PTCD3: variants seen among roughly 807,000 people sequenced by gnomAD.
PTCD3 encodes pentatricopeptide repeat domain 3.
PTCD3 carries 89 observed loss-of-function variants against 101.9 expected under a neutral mutation model. The ratio of observed to expected loss-of-function variants is 0.87; its 90% CI spans 0.74 to 1.04. The LOEUF (loss-of-function observed/expected upper bound fraction) is 1.04, where lower values mean the gene tolerates loss of function less well. Ranked by LOEUF, PTCD3 falls within the 50% of genes least tolerant of loss-of-function variation. The probability of loss-of-function intolerance (pLI) is 0.00; values close to 1 mark genes in which losing one functional copy is unlikely to be tolerated. For missense variants in PTCD3, 870 were observed against 828.2 expected (o/e 1.05, Z -0.62); for synonymous variants, 296 against 278.5 (o/e 1.06, Z -0.63).
intron 4 of PTCD3, among the ~76,000 whole-genome samples, chr2:86,114,250 G>T (rs920008852): frequency 1.3e-5 from 2 of 151,940 alleles, no homozygotes; most frequent in African/African-American, 4.8e-5. Context: ...AGAAGGGGTT[G>T]TATCGCCAAG....
At chr2:86,136,955 A>T in intron 22 of PTCD3, 27 bp from the exon 23 acceptor site, 1 of 1,612,144 alleles carries the variant, frequency 6.2e-7, no homozygotes, top group African/African-American at 1.3e-5. Context: ...GGCTGGAGAA[A>T]GTTCACACTT....
intron 9 of PTCD3, among the ~76,000 whole-genome samples, chr2:86,124,701 A>C (rs17026975): frequency 0.048 from 7,278 of 152,290 alleles, 611 homozygotes; most frequent in African/African-American, 0.17. Context: ...TTTGTCATAC[A>C]GTTGCTTCTT....
At chr2:86,106,421 T>C (rs1673948902) in intron 1 of PTCD3, 70 bp downstream of exon 1, 5 of 1,486,972 alleles carry the variant, frequency 3.4e-6, no homozygotes, top group Non-Finnish European at 4.6e-6. Flanking sequence ...CCCAGCTGGC[T>C]GTGGAAGTAG....
At position 86,111,175 on chromosome 2, in the gene PTCD3, G is replaced by A; in HGVS notation, c.240+17G>A. 1 of 1,594,604 alleles carries A rather than the reference G, an allele frequency of 6.3e-7. No homozygotes were observed. The highest frequency in any genetic ancestry group is 8.6e-7 in the Non-Finnish European group (1 of 1,165,630). ...GTAAACAGGGTAAGTAGGATTTTGT[G>A]TTTTTTTTTAACCTAAAACTTGGCT... On this transcript the variant is annotated intron_variant, in intron 4 of 23. Coordinates refer to ENST00000254630, the MANE Select transcript of PTCD3 (RefSeq NM_017952.6).
chr2:86,116,732 A>G (rs768851637), intron 5 of PTCD3, 134 bp downstream of exon 5: 6 of 705,160 alleles, frequency 8.5e-6, no homozygotes, highest in Non-Finnish European at 1.4e-5. Flanking sequence ...TGAATCCTTT[A>G]CTACTTTCTT....
intron 1 of PTCD3, 128 bp downstream of exon 1, chr2:86,106,479 C>T (rs577057555): frequency 6.8e-6 from 6 of 878,338 alleles, no homozygotes; most frequent in Middle Eastern, 3.0e-4. Context: ...GTCGCGTGCC[C>T]TTAAGACCAG....
intron 11 of PTCD3, 83 bp from the exon 12 acceptor site, chr2:86,125,712 A>G (rs1015261307): frequency 4.4e-6 from 5 of 1,123,976 alleles, no homozygotes; most frequent in Non-Finnish European, 6.6e-6. Context: ...CAAGGGACAC[A>G]TAGGAATGAC....
At position 86,117,035 on chromosome 2, in the gene PTCD3, A is replaced by T. The variant is rs747321323; in HGVS notation, c.310-20A>T. On this transcript the variant is annotated intron_variant, in intron 5 of 23. Transcript: ENST00000254630. ...GCTTGAGTTTAAATTACATGTATTT[A>T]AATCTTTTTCTTTATATAGCGTTCA... 4 of 947,806 alleles carry T rather than the reference A, an allele frequency of 4.2e-6. No individual in the cohort carries two copies. Among genetic ancestry groups the T allele is most frequent in the Middle Eastern group, 2.3e-4 (1 of 4,276 alleles). 58.7% of individuals were successfully genotyped at this position (947,806 alleles called of 1,614,324 possible).
chr2:86,139,803 G>GA lies in PTCD3; in HGVS notation c.*2255dup, dbSNP rs945787999. On this transcript the variant is annotated 3_prime_UTR_variant, in exon 24 of 24. Coordinates refer to ENST00000254630, the MANE Select transcript of PTCD3 (RefSeq NM_017952.6). ...TTGACAGAGTGACCCTTGTCTCCAA[G>GA]AAAAAAAAAAAGCAAATGGGATTAA... is the stretch of plus-strand genomic sequence containing the variant. The GA allele has an allele frequency of 4.2e-4, 60 of 141,890 alleles. No homozygotes were observed. The highest frequency in any genetic ancestry group is 2.4e-3 in the East Asian group (12 of 4,930). 8.8% of individuals were successfully genotyped at this position (141,890 alleles called of 1,614,324 possible).
chr2:86,116,636 T>A, intron 5 of PTCD3, 38 bp downstream of exon 5: 1 of 1,485,356 alleles, frequency 6.7e-7, no homozygotes, highest in Non-Finnish European at 9.4e-7. Context: ...GTTTTATCTC[T>A]CTGGTTTGCG....
At chr2:86,131,033 A>G (rs779913631) in intron 15 of PTCD3, 45 bp from the exon 16 acceptor site, 4 of 1,574,376 alleles carry the variant, frequency 2.5e-6, no homozygotes, top group Non-Finnish European at 8.6e-7. Context: ...TTGAAAATAT[A>G]TTTTATCCAT....
intron 6 of PTCD3, among the ~76,000 whole-genome samples, chr2:86,117,700 A>T (rs1674199863): frequency 6.6e-6 from 1 of 151,824 alleles, no homozygotes; most frequent in Non-Finnish European, 1.5e-5. Context: ...GGGCTCAAGC[A>T]AACACCCTTC....
Position 86,141,386 on chromosome 2 carries a change from G to A in PTCD3, c.*3827G>A, listed in dbSNP as rs115294321. On this transcript the variant is annotated 3_prime_UTR_variant, in exon 24 of 24. Transcript: ENST00000254630. ...AGCGAATCTGCCTGAAATTTAATAC[G>A]CCTTTTTATTTCCCTTCTGTGTTAA... 0.032 allele frequency: 4,830 copies of A among 152,264 alleles called. 97 individuals carry two copies. The highest frequency in any genetic ancestry group is 0.043 in the Non-Finnish European group (2,951 of 68,060). 9.4% of individuals were successfully genotyped at this position (152,264 alleles called of 1,614,324 possible). A position where few individuals can be genotyped will look rare whatever the true frequency, so the allele number is the denominator to read the frequency against.
chr2:86,121,315 C>T, intron 7 of PTCD3, 164 bp from the exon 8 acceptor site: 2 of 485,508 alleles, frequency 4.1e-6, no homozygotes, highest in South Asian at 3.8e-5. Flanking sequence ...GTCTACGTCA[C>T]TTCAGGTGTT....
chr2:86,134,309 C>A lies in PTCD3; in HGVS notation c.1561C>A (p.His521Asn). The change falls in exon 20 of 24, where the codon CAT becomes AAT. Residue 521 changes from histidine to asparagine, a missense_variant. Physicochemically the swap from His to Asn is moderately conservative, Grantham distance 68. Coordinates refer to ENST00000254630, the MANE Select transcript of PTCD3 (RefSeq NM_017952.6). ...KIWKDSKEYG[H>N]TFRSDLREEI... ...GTTTCAAGATAGTAAAGAATATGGTCATACTTTCCGCAGTGACCTGAGAGA... is the reference window on the plus strand; with the variant it reads ...GTTTCAAGATAGTAAAGAATATGGTAATACTTTCCGCAGTGACCTGAGAGA... 1 of 1,611,446 alleles carries A rather than the reference C, an allele frequency of 6.2e-7. No homozygotes were observed. The highest frequency in any genetic ancestry group is 1.1e-5 in the South Asian group (1 of 90,934).
At position 86,117,086 on chromosome 2, in the gene PTCD3, A is replaced by G; in HGVS notation, c.341A>G (p.Glu114Gly). ...RSFLLAKKSG[E>G]NVAKFIINSY... is the part of the protein sequence containing the mutation. ...TTTTTACTGGCAAAGAAATCCGGGGAGAATGTGGCCAAGTTTATTATTAAT... is the reference window on the plus strand; with the variant it reads ...TTTTTACTGGCAAAGAAATCCGGGGGGAATGTGGCCAAGTTTATTATTAAT... The change falls in exon 6 of 24, where the codon GAG becomes GGG. Residue 114 changes from glutamate (E) to glycine (G), a missense_variant. Glu to Gly is a moderately conservative substitution (Grantham distance 98, BLOSUM62 -2). Coordinates refer to ENST00000254630, the MANE Select transcript of PTCD3 (RefSeq NM_017952.6). 6.9e-7 allele frequency: 1 copy of G among 1,456,298 alleles called. No individual in the cohort carries two copies. Among genetic ancestry groups the G allele is most frequent in the Non-Finnish European group, 9.6e-7 (1 of 1,036,574 alleles). The allele number at this position is 1,456,298 out of a possible 1,614,324, so 90.2% of individuals were successfully genotyped here.
chr2:86,130,710 A>G lies in PTCD3; in HGVS notation c.1210A>G (p.Arg404Gly). The change falls in exon 15 of 24, where the codon AGA becomes GGA. Residue 404 changes from arginine to glycine, a missense_variant. Arg to Gly is a moderately radical substitution (Grantham distance 125). Coordinates refer to ENST00000254630, the MANE Select transcript of PTCD3 (RefSeq NM_017952.6). The part of the protein sequence containing the change: ...YDIMNELMGK[R>G]FSPKDPDDDK... ...TATAATGAATGAATTAATGGGAAAG[A>G]GATTTTCTCCAAAGGACCCGGATGA... The G allele has an allele frequency of 6.2e-7, 1 of 1,613,816 alleles. No individual in the cohort carries two copies. The highest frequency in any genetic ancestry group is 8.5e-7 in the Non-Finnish European group (1 of 1,179,896).
chr2:86,134,805 G>C, intron 20 of PTCD3, 34 bp from the exon 21 acceptor site: 1 of 1,611,500 alleles, frequency 6.2e-7, no homozygotes, highest in South Asian at 1.1e-5. Flanking sequence ...CATAAAATCA[G>C]TTAGGCAGTT....
chr2:86,114,020 TCAATGA>T (rs976388416), intron 4 of PTCD3, among the ~76,000 whole-genome samples: 1 of 149,082 alleles, frequency 6.7e-6, no homozygotes, highest in African/African-American at 2.6e-5. Context: ...TCTCAACATT[TCAATGA>T]GAATGGCCCA....
Sources: allele counts gnomAD v4.1 joint callset (sites outside exome capture counted in the v4.1 genomes callset), GRCh38; gene constraint gnomAD v4.1.1; transcripts MANE v1.5; gene names NCBI Gene and HGNC (gene_info 2026-07-23, HGNC 2026-07-21).